Variants in TNS1 observed in about 807,000 individuals in gnomAD.
The protein encoded by TNS1 is tensin-1.
In TNS1, 62 loss-of-function variants were observed where a neutral mutation model predicts 168.6. That is an observed-to-expected ratio of 0.37 (90% CI 0.30 to 0.45). TNS1 has a LOEUF of 0.45. Ranked by LOEUF, TNS1 falls within the 20% of genes least tolerant of loss-of-function variation. The pLI, the probability that TNS1 is intolerant of heterozygous loss-of-function variation, is 1.00. For synonymous variants in TNS1, 934 were observed against 933.2 expected (o/e 1.00, Z -0.02); for missense variants, 2,240 against 2,339.4 (o/e 0.96, Z 0.88).
In TNS1 at chr2:217,948,386, C is replaced by T. The variant is rs902291733; in HGVS notation, c.187-28150G>A. Among the ~76,000 whole-genome samples the T allele has an allele frequency of 1.3e-5, 2 of 152,174 alleles. No homozygotes were observed. Among genetic ancestry groups the T allele is most frequent in the Admixed American group, 6.5e-5 (1 of 15,288 alleles). ...CCAAGGGGAGAGGCCACTGGGGCAC[C>T]GCTCTGCTTCCTTCCCAAGATGTCC... On this transcript the variant is annotated intron_variant, in intron 3 of 32. Transcript: ENST00000682258. This position sits in a 1 kb window ranked among gnomAD's most constrained non-coding sequence, Gnocchi z 4.1.
intron 12 of TNS1, among the ~76,000 whole-genome samples, chr2:217,888,060 G>A (rs1408700874): frequency 1.3e-5 from 2 of 152,216 alleles, no homozygotes; most frequent in Non-Finnish European, 2.9e-5. Context: ...CTGTCCCTGG[G>A]TTTGGGTGGG....
rs1351893832 is a variant in TNS1 at position 217,898,638 on chromosome 2, AGAGCTG to A, written c.372-675_372-670del. The stretch of plus-strand genomic sequence containing the variant: ...CCTCTGGCAGCTCCCACTGCCTGCC[AGAGCTG>A]CTTCTTGGCAGCAGCCTCCCTGATT... On this transcript the variant is annotated intron_variant, in intron 7 of 32. Coordinates refer to ENST00000682258, the MANE Select transcript of TNS1 (RefSeq NM_001387777.1). 3.3e-5 allele frequency among the ~76,000 whole-genome samples: 5 copies of A among 152,210 alleles called. No homozygotes were observed. The Middle Eastern group carries it at 9.5e-3, about 289-fold the overall frequency.
chr2:218,017,783 C>G (rs1055194536), intron 1 of TNS1, among the ~76,000 whole-genome samples: 2 of 152,228 alleles, frequency 1.3e-5, no homozygotes, highest in African/African-American at 4.8e-5. Context: ...CCTGATTCAT[C>G]GAGGTACCCT....
chr2:217,880,899 C>A lies in TNS1; in HGVS notation c.1428G>T (p.Glu476Asp). Residue 476 changes from glutamate to aspartate, a missense_variant and splice_region_variant, in exon 18 of 33, where the codon GAG becomes GAT. This residue lies in a region of TNS1 where 2,131 missense variants were observed against 2,171.2 expected (regional missense o/e 0.98). Coordinates refer to ENST00000682258, the MANE Select transcript of TNS1 (RefSeq NM_001387777.1). This position sits in a 1 kb window ranked among gnomAD's most constrained non-coding sequence, Gnocchi z 4.2. ...NFSGHRDDGM[E>D]EVVGHTQGPL... ...TGGGAGCCACTAGGTCCCACCTACC[C>A]TCCATGCCGTCATCTCGATGCCCAC... The A allele has an allele frequency of 6.2e-7, 1 of 1,613,162 alleles. No homozygotes were observed.
At chr2:217,886,269 G>C (rs529331506) in intron 13 of TNS1, among the ~76,000 whole-genome samples, 165 bp from the exon 14 acceptor site, 34 of 152,292 alleles carry the variant, frequency 2.2e-4, no homozygotes, top group African/African-American at 7.9e-4. Context: ...GAAGCAGAAA[G>C]GGGAAGAAAT....
chr2:217,871,218 T>C (rs1192974077), intron 18 of TNS1, among the ~76,000 whole-genome samples: 4 of 152,222 alleles, frequency 2.6e-5, no homozygotes, highest in Non-Finnish European at 5.9e-5. Context: ...CCTCTCCTGC[T>C]AGTATCTCAG....
At chr2:217,819,324 G>C (rs1054253764) in intron 23 of TNS1, among the ~76,000 whole-genome samples, 5 of 152,210 alleles carry the variant, frequency 3.3e-5, no homozygotes, top group African/African-American at 1.2e-4. Flanking sequence ...CAGGGGATTT[G>C]AGGTCATTGT....
In TNS1 at chr2:218,028,774, G is replaced by T. The variant is rs542818674; in HGVS notation, c.156+5046C>A. ...CCAAAAGCACCAGGCTGGGGTCTTG[G>T]GGGTGGAGGTGAATTTAAAAATCAG... On this transcript the variant is annotated intron_variant, in intron 1 of 1. Coordinates refer to the TNS1 transcript ENST00000649572. Among the ~76,000 whole-genome samples, 3 of 152,216 alleles carry T rather than the reference G, an allele frequency of 2.0e-5. No homozygotes were observed. In the East Asian group the frequency reaches 5.8e-4, roughly 29 times the overall value.
At chr2:217,970,838 AT>A (rs1156663163) in intron 3 of TNS1, among the ~76,000 whole-genome samples, 1 of 152,150 alleles carries the variant, frequency 6.6e-6, no homozygotes, top group Admixed American at 6.5e-5. Context: ...TACAAAAAAA[AT>A]CATTGAATTG....
chr2:217,849,832 C>A, intron 18 of TNS1: 1 of 985,310 alleles, frequency 1.0e-6, no homozygotes, highest in Non-Finnish European at 1.2e-6. Flanking sequence ...CCCAGGAGGG[C>A]AGTAGGGTGC....
chr2:217,961,731 G>A (rs901366609), intron 3 of TNS1, among the ~76,000 whole-genome samples: 2 of 152,284 alleles, frequency 1.3e-5, no homozygotes, highest in South Asian at 4.1e-4. Context: ...TGTTGACATA[G>A]GAAATGATTT....
Position 217,803,235 on chromosome 2 carries a change from A to G in TNS1, c.*1224T>C, listed in dbSNP as rs1438031922. On this transcript the variant is annotated 3_prime_UTR_variant, in exon 33 of 33. Transcript: ENST00000682258. ...TCTGGCCGGAGCCTCACTGAGCAGA[A>G]AGTAGGTTCCCCAGGGAGAATTCCA... The G allele has an allele frequency of 6.6e-6, 1 of 152,322 alleles. No homozygotes were observed. Among genetic ancestry groups the G allele is most frequent in the Non-Finnish European group, 1.5e-5 (1 of 68,118 alleles). 9.4% of individuals were successfully genotyped at this position (152,322 alleles called of 1,614,324 possible).
chr2:217,964,389 A>G (rs903226838), intron 3 of TNS1, among the ~76,000 whole-genome samples: 7 of 152,172 alleles, frequency 4.6e-5, no homozygotes, highest in Non-Finnish European at 8.8e-5. Context: ...GAAAAGTCAG[A>G]CTTGGCACTC....
At chr2:218,007,786 T>C (rs1958673193), upstream of TNS1, among the ~76,000 whole-genome samples, 1 of 152,038 alleles carries the variant, frequency 6.6e-6, no homozygotes, top group Admixed American at 6.5e-5. Flanking sequence ...CTCATACACC[T>C]CAGCCTCTGA....
At chr2:218,031,026 GTGTGTGTA>G (rs1273643600) in intron 1 of TNS1, among the ~76,000 whole-genome samples, 1 of 151,672 alleles carries the variant, frequency 6.6e-6, no homozygotes, top group Non-Finnish European at 1.5e-5. Flanking sequence ...ATGTGTGTAT[GTGTGTGTA>G]TGTGAGTGAG....
chr2:217,952,464 C>T (rs1163368429), intron 3 of TNS1, among the ~76,000 whole-genome samples: 1 of 151,966 alleles, frequency 6.6e-6, no homozygotes, highest in Non-Finnish European at 1.5e-5. Context: ...GTGACTCTCC[C>T]GCGCCACACA....
At chr2:217,898,151 G>A (rs1381829558) in intron 7 of TNS1, among the ~76,000 whole-genome samples, 182 bp from the exon 8 acceptor site, 1 of 152,242 alleles carries the variant, frequency 6.6e-6, no homozygotes, top group Non-Finnish European at 1.5e-5. Flanking sequence ...TGGCCGGCTT[G>A]GGAGTGCCGG....
At chr2:217,914,945 C>T (rs995188886) in intron 4 of TNS1, among the ~76,000 whole-genome samples, 1 of 152,162 alleles carries the variant, frequency 6.6e-6, no homozygotes, top group Non-Finnish European at 1.5e-5. Flanking sequence ...ATTCTGTGCC[C>T]GTCCCACGTC....
intron 3 of TNS1, among the ~76,000 whole-genome samples, chr2:217,960,259 C>T (rs558805807): frequency 2.0e-5 from 3 of 152,310 alleles, no homozygotes; most frequent in African/African-American, 7.2e-5. Context: ...GTGTTATTTT[C>T]ATTATCCCTA....
Sources: gnomAD v4.1 joint callset for allele counts (sites outside exome capture counted in the v4.1 genomes callset) on GRCh38, gnomAD v4.1.1 for gene constraint, gnomAD v4.1.1 regional missense constraint, Gnocchi (gnomAD v3.1) non-coding constraint, MANE v1.5 for transcripts, NCBI Gene and HGNC (gene_info 2026-07-23, HGNC 2026-07-21) for gene names.